Variants in RTL4 observed in about 807,000 individuals in gnomAD.
The protein encoded by RTL4 is retrotransposon Gag-like protein 4.
RTL4 carries 4 observed loss-of-function variants against 5.3 expected under a neutral mutation model. The ratio of observed to expected loss-of-function variants is 0.75; its 90% CI spans 0.37 to 1.72. The LOEUF is 1.72. Among genes scored for constraint, RTL4 ranks in the 40% most tolerant of loss-of-function variants. RTL4 has a pLI of 0.04. For missense variants in RTL4, 260 were observed against 227.1 expected, an observed-to-expected ratio of 1.14 and a Z score of -0.93; for synonymous variants, 98 against 87.3, an observed-to-expected ratio of 1.12 and a Z score of -0.68.
At chrX:112,223,528 A>T in the RTL4 span, among the ~76,000 whole-genome samples, 1 of 112,329 alleles carries the variant, frequency 8.9e-6, no homozygotes. Flanking sequence ...CCACTGTGAG[A>T]CAGCTCTTCC....
At chrX:112,370,800 C>G in the RTL4 span, among the ~76,000 whole-genome samples, 1 of 110,995 alleles carries the variant, frequency 9.0e-6, no homozygotes, top group Non-Finnish European at 1.9e-5. Context: ...CCCTTGTACA[C>G]CTTCACTCCT....
At chrX:112,246,676 G>A in the RTL4 span, among the ~76,000 whole-genome samples, 4 of 111,486 alleles carry the variant, frequency 3.6e-5, no homozygotes, top group Admixed American at 9.5e-5. Context: ...TGCACTTCCC[G>A]GGTGAGGCGA....
the RTL4 span, among the ~76,000 whole-genome samples, chrX:112,328,865 T>A: frequency 9.0e-6 from 1 of 111,686 alleles, no homozygotes; most frequent in Non-Finnish European, 1.9e-5. Flanking sequence ...CACTCAAAAC[T>A]GCTCAACTAC....
At chrX:112,392,614 T>G in the RTL4 span, among the ~76,000 whole-genome samples, 1 of 111,388 alleles carries the variant, frequency 9.0e-6, no homozygotes, top group Non-Finnish European at 1.9e-5. Context: ...GCAGCAGTCC[T>G]GTGCTCCTTT....
the RTL4 span, among the ~76,000 whole-genome samples, chrX:112,191,346 T>C: frequency 1.8e-5 from 2 of 111,462 alleles, no homozygotes; most frequent in South Asian, 7.6e-4. Context: ...ATGGCATATC[T>C]AGAGTCTTCA....
At chrX:112,264,864 T>C in the RTL4 span, among the ~76,000 whole-genome samples, 1 of 112,695 alleles carries the variant, frequency 8.9e-6, no homozygotes, top group African/African-American at 3.2e-5. Flanking sequence ...TTTCTTCCTA[T>C]TGAAATTATA....
At chrX:112,396,242 A>G in the RTL4 span, among the ~76,000 whole-genome samples, 2 of 110,555 alleles carry the variant, frequency 1.8e-5, no homozygotes, top group Admixed American at 1.9e-4. Context: ...CAATGTCTCA[A>G]TTGCTGTGCT....
At chrX:112,346,101 T>C in the RTL4 span, among the ~76,000 whole-genome samples, 3,644 of 111,891 alleles carry the variant, frequency 0.033, 181 homozygotes, top group African/African-American at 0.11. Context: ...ATAAAAATAT[T>C]GACAAAGATT....
At chrX:112,228,603 T>C in the RTL4 span, among the ~76,000 whole-genome samples, 1 of 111,863 alleles carries the variant, frequency 8.9e-6, no homozygotes. Flanking sequence ...GTATTAACTA[T>C]AGTTACCATG....
the RTL4 span, among the ~76,000 whole-genome samples, chrX:112,135,188 A>G: frequency 8.9e-6 from 1 of 111,964 alleles, no homozygotes; most frequent in Non-Finnish European, 1.9e-5. Context: ...GAGATTTCTA[A>G]TTGCTTTGCA....
exon 1 of RTL4, chrX:112,455,287 G>A: frequency 8.3e-7 from 1 of 1,211,433 alleles, no homozygotes; most frequent in Non-Finnish European, 1.1e-6. Context: ...GTTCGAAAAG[G>A]CACTAGCTGA....
chrX:112,314,425 C>T, the RTL4 span, among the ~76,000 whole-genome samples: 2 of 108,301 alleles, frequency 1.8e-5, no homozygotes, highest in African/African-American at 6.7e-5. Flanking sequence ...TACTGCAAAA[C>T]AACAGAGGTG....
the RTL4 span, among the ~76,000 whole-genome samples, chrX:112,388,814 A>G: frequency 4.6e-3 from 508 of 111,484 alleles, 4 homozygotes; most frequent in Admixed American, 0.034. Context: ...TTCGGTTTGC[A>G]AGTATTTTGT....
chrX:112,428,346 A>G, the RTL4 span, among the ~76,000 whole-genome samples: 1 of 111,918 alleles, frequency 8.9e-6, no homozygotes, highest in Non-Finnish European at 1.9e-5. Context: ...AAATCTCCAT[A>G]CTGTATTTTC....
At chrX:112,456,409 G>A (rs1926845298) in exon 1 of RTL4, 1 of 308,613 alleles carries the variant, frequency 3.2e-6, no homozygotes, top group Non-Finnish European at 5.9e-6. Flanking sequence ...TCAGGCAGGT[G>A]TATGCTTTTA....
At chrX:112,389,781 C>A in the RTL4 span, among the ~76,000 whole-genome samples, 5 of 108,601 alleles carry the variant, frequency 4.6e-5, no homozygotes. Flanking sequence ...GGTATGATTT[C>A]ATTTGTGTTT....
chrX:112,215,687 C>A, the RTL4 span, among the ~76,000 whole-genome samples: 3 of 112,187 alleles, frequency 2.7e-5, no homozygotes, highest in East Asian at 8.4e-4. Context: ...TGGTTATCCA[C>A]TCATCTGTTG....
chrX:112,214,547 A>T, the RTL4 span, among the ~76,000 whole-genome samples: 1 of 112,151 alleles, frequency 8.9e-6, no homozygotes, highest in East Asian at 2.8e-4. Context: ...AGATTGCTGG[A>T]TCATATGGTA....
At chrX:112,391,187 T>C in the RTL4 span, among the ~76,000 whole-genome samples, 44 of 112,330 alleles carry the variant, frequency 3.9e-4, no homozygotes, top group Non-Finnish European at 6.4e-4. Context: ...TTTTTTACAT[T>C]GGCTGTTTTG....
Sources: allele counts gnomAD v4.1 joint callset (sites outside exome capture counted in the v4.1 genomes callset), GRCh38; gene constraint gnomAD v4.1.1; transcripts MANE v1.5; gene names NCBI Gene and HGNC (gene_info 2026-07-23, HGNC 2026-07-21).